LY96: variants seen among roughly 807,000 people sequenced by gnomAD.
LY96 encodes the protein myeloid differentiation protein-2.
LY96 carries 18 observed loss-of-function variants against 18.9 expected under a neutral mutation model. The observed-to-expected ratio is 0.95, with a 90% confidence interval of 0.66 to 1.41. The LOEUF is 1.41. LY96 is among the 40% of genes most tolerant of loss of function. The pLI, the probability that LY96 is intolerant of heterozygous loss-of-function variation, is 0.00. For missense variants in LY96, 175 were observed against 182.4 expected, an observed-to-expected ratio of 0.96 and a Z score of 0.23; for synonymous variants, 66 against 62.6, an observed-to-expected ratio of 1.06 and a Z score of -0.26.
At chr8:74,097,634 G>A in the LY96 span, among the ~76,000 whole-genome samples, 5,358 of 152,164 alleles carry the variant, frequency 0.035, 142 homozygotes, top group African/African-American at 0.067. Flanking sequence ...GCTTGAACCC[G>A]GCAGGCGGAG....
At chr8:74,009,374 C>CAAAAAAAAAAAAAAAAAAAAAAAAAAAA (rs370593442) in intron 2 of LY96, among the ~76,000 whole-genome samples, 20 of 58,794 alleles carry the variant, frequency 3.4e-4, no homozygotes, top group South Asian at 8.6e-4. Context: ...CAGTCTTTCT[C>CAAAAAAAAAAAAAAAAAAAAAAAAAAAA]AAAAAAAAAA....
the LY96 span, among the ~76,000 whole-genome samples, chr8:74,073,161 G>T: frequency 5.3e-5 from 8 of 152,324 alleles, no homozygotes; most frequent in African/African-American, 1.4e-4. Context: ...GACCTTGATA[G>T]TGTGGCCATT....
At chr8:74,081,050 T>TTTC in the LY96 span, among the ~76,000 whole-genome samples, 66 of 110,056 alleles carry the variant, frequency 6.0e-4, no homozygotes, top group Non-Finnish European at 9.5e-4. Context: ...TTCTTTCTTT[T>TTTC]TCTTTCTTTC....
chr8:73,993,016 G>C (rs922635382), intron 1 of LY96, among the ~76,000 whole-genome samples: 1 of 151,220 alleles, frequency 6.6e-6, no homozygotes, highest in African/African-American at 2.4e-5. Context: ...CACCACACCC[G>C]GCTAATTTTT....
intron 1 of LY96, among the ~76,000 whole-genome samples, chr8:73,996,361 C>CAT (rs1563707695): frequency 6.8e-5 from 6 of 87,830 alleles, no homozygotes; most frequent in African/African-American, 2.5e-4. Flanking sequence ...TCCTTCCTTC[C>CAT]TTCCTTCATT....
At chr8:74,093,304 A>G in the LY96 span, among the ~76,000 whole-genome samples, 188 of 152,358 alleles carry the variant, frequency 1.2e-3, 3 homozygotes, top group South Asian at 0.038. Flanking sequence ...TTCTACATGC[A>G]TGATGATCTC....
At chr8:74,062,751 T>C in the LY96 span, among the ~76,000 whole-genome samples, 1 of 152,184 alleles carries the variant, frequency 6.6e-6, no homozygotes, top group South Asian at 2.1e-4. Context: ...ATGTTGCTAA[T>C]ATCCTTAGTT....
intron 3 of LY96, among the ~76,000 whole-genome samples, chr8:74,019,856 G>C (rs971691722): frequency 3.9e-5 from 6 of 152,084 alleles, no homozygotes; most frequent in African/African-American, 1.2e-4. Flanking sequence ...AAAGGCCTTC[G>C]ACAAAATTCA....
At chr8:74,054,624 CT>C in the LY96 span, among the ~76,000 whole-genome samples, 274 of 89,174 alleles carry the variant, frequency 3.1e-3, 2 homozygotes, top group Middle Eastern at 7.2e-3. Context: ...TTCCTTCTTT[CT>C]TTCTTTCTTT....
At chr8:74,015,123 C>A (rs904545716) in intron 3 of LY96, among the ~76,000 whole-genome samples, 4 of 152,084 alleles carry the variant, frequency 2.6e-5, no homozygotes, top group African/African-American at 9.7e-5. Flanking sequence ...GGGAGGATCA[C>A]TGGAGCTTGG....
intron 3 of LY96, among the ~76,000 whole-genome samples, chr8:74,019,658 G>A (rs1312436717): frequency 6.6e-6 from 1 of 152,130 alleles, no homozygotes; most frequent in African/African-American, 2.4e-5. Context: ...GAACATCGAT[G>A]AGAAAATCCT....
At chr8:74,047,607 T>C in the LY96 span, among the ~76,000 whole-genome samples, 6 of 152,190 alleles carry the variant, frequency 3.9e-5, no homozygotes, top group African/African-American at 1.4e-4. Context: ...GTAAATAAGT[T>C]ATGGCAATGC....
chr8:74,045,163 G>A, the LY96 span, among the ~76,000 whole-genome samples: 1 of 152,218 alleles, frequency 6.6e-6, no homozygotes, highest in African/African-American at 2.4e-5. Flanking sequence ...GATACAAACA[G>A]AAGAACACTT....
the LY96 span, among the ~76,000 whole-genome samples, chr8:74,046,365 A>C: frequency 6.6e-5 from 10 of 152,184 alleles, no homozygotes; most frequent in Admixed American, 6.5e-4. Flanking sequence ...CTTCGCAGTC[A>C]ACATTTGACA....
the LY96 span, among the ~76,000 whole-genome samples, chr8:74,073,714 A>C: frequency 6.6e-6 from 1 of 151,968 alleles, no homozygotes; most frequent in African/African-American, 2.4e-5. Context: ...CCCAGGCTGA[A>C]GTACGGTGGC....
the LY96 span, among the ~76,000 whole-genome samples, chr8:74,094,057 G>A: frequency 6.6e-6 from 1 of 152,006 alleles, no homozygotes; most frequent in African/African-American, 2.4e-5. Context: ...AACACAGTTT[G>A]GGGAGTAGTC....
chr8:74,043,584 T>C, the LY96 span, among the ~76,000 whole-genome samples: 4 of 152,198 alleles, frequency 2.6e-5, no homozygotes, highest in Non-Finnish European at 4.4e-5. Context: ...TGTGTATTTG[T>C]CATTTTTTAA....
the LY96 span, among the ~76,000 whole-genome samples, chr8:74,084,858 G>A: frequency 5.9e-5 from 9 of 152,068 alleles, no homozygotes; most frequent in East Asian, 5.8e-4. Flanking sequence ...CAAGTGATCC[G>A]CCTGCCTTGA....
chr8:74,026,752 G>A (rs1816879574), intron 3 of LY96, 37 bp from the exon 4 acceptor site: 2 of 1,223,866 alleles, frequency 1.6e-6, no homozygotes, highest in Admixed American at 3.4e-5. Flanking sequence ...ACCTAACCGT[G>A]ACCAATAACG....
Sources: gnomAD v4.1 joint callset for allele counts (sites outside exome capture counted in the v4.1 genomes callset) on GRCh38, gnomAD v4.1.1 for gene constraint, MANE v1.5 for transcripts, NCBI Gene and HGNC (gene_info 2026-07-23, HGNC 2026-07-21) for gene names.